The following TUBGCP5 variants were observed in gnomAD, a reference collection of about 807,000 sequenced individuals.
TUBGCP5 encodes tubulin gamma complex component 5.
In TUBGCP5, 98 loss-of-function variants were observed where a neutral mutation model predicts 134.7. The observed-to-expected ratio is 0.73, with a 90% CI of 0.62 to 0.86. The LOEUF (loss-of-function observed/expected upper bound fraction) is 0.86. Among genes scored for constraint, TUBGCP5 ranks in the 40% least tolerant of loss-of-function variants. The probability of loss-of-function intolerance (pLI) is 0.00; values close to 1 mark genes in which losing one functional copy is unlikely to be tolerated. For missense variants in TUBGCP5, 1,150 were observed against 1,244.8 expected (o/e 0.92, Z 1.15); for synonymous variants, 456 against 431.4 (o/e 1.06, Z -0.71).
At chr15:23,030,859 T>A in intron 6 of TUBGCP5, 26 bp downstream of exon 6, 1 of 1,598,780 alleles carries the variant, frequency 6.3e-7, no homozygotes, top group East Asian at 2.2e-5. Context: ...TATTAGAAAA[T>A]GCGAGCACCT....
At chr15:22,994,571 C>T (rs1486122038), downstream of TUBGCP5, among the ~76,000 whole-genome samples, 1 of 152,142 alleles carries the variant, frequency 6.6e-6, no homozygotes, top group African/African-American at 2.4e-5. Context: ...TGCAGTATTC[C>T]ATTGGGTAAA....
chr15:23,024,751 T>G lies in TUBGCP5; in HGVS notation c.907A>C (p.Thr303Pro). ...KVTVRNNIIV[T>P]HLTHSCLRSV... Reference sequence around the variant, plus strand: ...AAATAACTTACATGTGTTAAATGAGTTACTATAATATTGTTTCTCACAGTT... The same window carrying G: ...AAATAACTTACATGTGTTAAATGAGGTACTATAATATTGTTTCTCACAGTT... Residue 303 changes from threonine to proline, a missense_variant, in exon 9 of 23, where the codon ACT becomes CCT. Coordinates refer to ENST00000615383, the MANE Select transcript of TUBGCP5 (RefSeq NM_052903.6). The G allele has an allele frequency of 1.9e-6, 3 of 1,544,902 alleles. No homozygotes were observed. In the East Asian group the frequency reaches 6.8e-5, roughly 35 times the overall value.
At chr15:22,991,903 CAT>C (rs1237677493) in intron 23 of TUBGCP5, among the ~76,000 whole-genome samples, 6 of 152,098 alleles carry the variant, frequency 3.9e-5, no homozygotes, top group Non-Finnish European at 8.8e-5. Context: ...CCAGGCAAGG[CAT>C]ATTTAACATT....
Position 23,005,321 on chromosome 15 carries a change from G to A in TUBGCP5, c.2712+111C>T, listed in dbSNP as rs113046886. ...TATGATCAAATTTGCTACATGTCCCGTTTTCACAGTCTGTAGGTATTTTTT... is the reference window on the plus strand; with the variant it reads ...TATGATCAAATTTGCTACATGTCCCATTTTCACAGTCTGTAGGTATTTTTT... On this transcript the variant is annotated intron_variant, in intron 19 of 22. Transcript: ENST00000615383. The A allele has an allele frequency of 5.9e-4, 764 of 1,300,058 alleles. 10 individuals carry two copies. The East Asian group carries it at 0.016, about 28-fold the overall frequency. The allele number at this position is 1,300,058 out of a possible 1,614,324, so 80.5% of individuals were successfully genotyped here.
chr15:23,002,917 T>C (rs955193484), intron 21 of TUBGCP5, 148 bp downstream of exon 21: 5 of 564,058 alleles, frequency 8.9e-6, no homozygotes, highest in Non-Finnish European at 1.5e-5. Flanking sequence ...GGTTTTGCTA[T>C]GTTGCCCAGG....
Position 23,018,679 on chromosome 15 carries a change from T to C in TUBGCP5, c.1487+540A>G, listed in dbSNP as rs1445614988. On this transcript the variant is annotated intron_variant, in intron 12 of 22. Transcript: ENST00000615383. ...TATACCGCATAATTTAAAATTGGGCTAAAAGAGTACAAATAGCTCTACATT... is the reference window on the plus strand; with the variant it reads ...TATACCGCATAATTTAAAATTGGGCCAAAAGAGTACAAATAGCTCTACATT... 2.6e-5 allele frequency among the ~76,000 whole-genome samples: 4 copies of C among 152,190 alleles called. No homozygotes were observed. The East Asian group carries it at 7.7e-4, about 29-fold the overall frequency.
At chr15:23,004,271 A>T (rs777918781) in intron 19 of TUBGCP5, 44 bp from the exon 20 acceptor site, 11 of 1,599,130 alleles carry the variant, frequency 6.9e-6, no homozygotes, top group Non-Finnish European at 6.8e-6. Context: ...GCCTTCTTTG[A>T]GGACTTGTGT....
At chr15:23,012,177 T>C (rs937483209) in intron 13 of TUBGCP5, among the ~76,000 whole-genome samples, 2 of 150,836 alleles carry the variant, frequency 1.3e-5, no homozygotes, top group South Asian at 2.1e-4. Context: ...ATTACAATAC[T>C]GCATAACACT....
Position 23,019,427 on chromosome 15 carries a change from G to GTGA in TUBGCP5, c.1372-96_1372-94dup. On this transcript the variant is annotated intron_variant, in intron 11 of 22. Transcript: ENST00000615383. The stretch of plus-strand genomic sequence containing the variant: ...ACATTTCTGAAATGCCTTTAAAAAA[G>GTGA]TGATCGGATTTCTATGTTTTTTGGG... 3.8e-6 allele frequency: 3 copies of GTGA among 780,982 alleles called. No homozygotes were observed. The South Asian group carries it at 4.7e-5, about 12-fold the overall frequency. The allele number at this position is 780,982 out of a possible 1,614,324, so 48.4% of individuals were successfully genotyped here.
chr15:22,995,336 A>G (rs1471513878), downstream of TUBGCP5, among the ~76,000 whole-genome samples: 2 of 152,036 alleles, frequency 1.3e-5, no homozygotes, highest in Non-Finnish European at 2.9e-5. Context: ...TCATTCAATT[A>G]TAAAAACAGA....
chr15:23,025,348 G>C (rs1050992219), intron 8 of TUBGCP5, among the ~76,000 whole-genome samples: 20 of 152,260 alleles, frequency 1.3e-4, no homozygotes, highest in Admixed American at 3.9e-4. Flanking sequence ...TGTTGTCAAA[G>C]CATCTCCCCT....
At chr15:23,017,274 T>C (rs2065390320) in intron 13 of TUBGCP5, among the ~76,000 whole-genome samples, 1 of 152,014 alleles carries the variant, frequency 6.6e-6, no homozygotes, top group African/African-American at 2.4e-5. Context: ...GGGATGACTA[T>C]AGTTAATAAT....
rs1466846362 is a variant in TUBGCP5 at position 23,038,696 on chromosome 15, T to C, written c.146+702A>G. Among the ~76,000 whole-genome samples, 7 of 152,212 alleles carry C rather than the reference T, an allele frequency of 4.6e-5. No homozygotes were observed. The East Asian group carries it at 1.3e-3, about 29-fold the overall frequency. Reference sequence around the variant, plus strand: ...AACATTAACATTTTTTTAGTAATAATTTCATTATGGGTAATGACTCTAAAA... The same window carrying C: ...AACATTAACATTTTTTTAGTAATAACTTCATTATGGGTAATGACTCTAAAA... On this transcript the variant is annotated intron_variant, in intron 1 of 22. Coordinates refer to ENST00000615383, the MANE Select transcript of TUBGCP5 (RefSeq NM_052903.6).
intron 16 of TUBGCP5, among the ~76,000 whole-genome samples, chr15:23,007,676 C>T (rs949125745): frequency 3.3e-5 from 5 of 152,038 alleles, no homozygotes; most frequent in Admixed American, 6.5e-5. Flanking sequence ...CCCTGAAACG[C>T]GAAGGAAGAC....
intron 13 of TUBGCP5, among the ~76,000 whole-genome samples, chr15:23,015,535 G>C (rs2065263175): frequency 6.6e-6 from 1 of 151,980 alleles, no homozygotes; most frequent in African/African-American, 2.4e-5. Context: ...CCATCTACTT[G>C]AGAGACTGAG....
At chr15:23,029,640 T>C (rs899013463) in intron 6 of TUBGCP5, among the ~76,000 whole-genome samples, 16 of 151,938 alleles carry the variant, frequency 1.1e-4, no homozygotes, top group Admixed American at 8.5e-4. Context: ...TCCCCGCACG[T>C]TGGGAGGCAG....
At chr15:23,021,858 G>T in intron 11 of TUBGCP5, 101 bp downstream of exon 11, 1 of 1,254,728 alleles carries the variant, frequency 8.0e-7, no homozygotes, top group South Asian at 1.2e-5. Context: ...ACTGTCTGAC[G>T]AGTCATCATT....
intron 16 of TUBGCP5, among the ~76,000 whole-genome samples, chr15:23,006,735 G>C (rs2064738239): frequency 6.6e-6 from 1 of 152,136 alleles, no homozygotes; most frequent in Middle Eastern, 3.2e-3. Flanking sequence ...AGCATGTGGT[G>C]AGAGTACTGC....
intron 12 of TUBGCP5, 61 bp from the exon 13 acceptor site, chr15:23,018,102 T>C: frequency 6.8e-7 from 1 of 1,475,904 alleles, no homozygotes; most frequent in Non-Finnish European, 9.1e-7. Flanking sequence ...AGCATACTTG[T>C]TCTAGTTTGT....
Sources: allele counts gnomAD v4.1 joint callset (sites outside exome capture counted in the v4.1 genomes callset), GRCh38; gene constraint gnomAD v4.1.1; transcripts MANE v1.5; gene names NCBI Gene and HGNC (gene_info 2026-07-23, HGNC 2026-07-21).